DDX60L: variants seen among roughly 807,000 people sequenced by gnomAD.
DDX60L encodes the protein DExD/H-box 60 like.
A neutral mutation model predicts 211.6 loss-of-function variants in DDX60L; 191 were observed. The observed-to-expected ratio is 0.90, with a 90% confidence interval of 0.80 to 1.02. The LOEUF (loss-of-function observed/expected upper bound fraction) is 1.02, where lower values mean the gene tolerates loss of function less well. Among genes scored for constraint, DDX60L ranks in the 50% least tolerant of loss-of-function variants. DDX60L has a pLI of 0.00. For missense variants in DDX60L, 2,007 were observed against 1,984.1 expected (o/e 1.01, Z -0.22); for synonymous variants, 706 against 694.1 (o/e 1.02, Z -0.27).
intron 36 of DDX60L, among the ~76,000 whole-genome samples, chr4:168,365,165 G>C (rs1351213514): frequency 6.6e-6 from 1 of 151,840 alleles, no homozygotes; most frequent in Non-Finnish European, 1.5e-5. Flanking sequence ...TAGAAGGAAA[G>C]AATAAAGCTT....
At chr4:168,426,442 A>C (rs535746147) in intron 14 of DDX60L, among the ~76,000 whole-genome samples, 25 of 152,340 alleles carry the variant, frequency 1.6e-4, no homozygotes, top group Non-Finnish European at 3.2e-4. Flanking sequence ...GGAAATCTAC[A>C]CTTAGAAAAC....
intron 3 of DDX60L, 69 bp from the exon 4 acceptor site, chr4:168,472,005 C>T: frequency 1.0e-5 from 13 of 1,290,608 alleles, no homozygotes; most frequent in Non-Finnish European, 1.4e-5. Context: ...GTTGTTGTTA[C>T]TATTATTGCA....
Position 168,429,100 on chromosome 4 carries a change from C to G in DDX60L, c.1677+1378G>C, listed in dbSNP as rs541294477. 5.3e-5 allele frequency among the ~76,000 whole-genome samples: 8 copies of G among 152,214 alleles called. No homozygotes were observed. In the South Asian group the frequency reaches 1.7e-3, roughly 32 times the overall value. On this transcript the variant is annotated intron_variant, in intron 13 of 37. Transcript: ENST00000682922. ...GAAATGTTAGGCCTATTTTTACCAC[C>G]TCTATGTAAAAAGATTTTCACTGTA...
chr4:168,442,000 C>A (rs980085336), intron 9 of DDX60L, among the ~76,000 whole-genome samples: 1 of 152,078 alleles, frequency 6.6e-6, no homozygotes, highest in Non-Finnish European at 1.5e-5. Flanking sequence ...GGGGGAGGAG[C>A]CAAGATGGCC....
At chr4:168,360,030 T>G (rs917505756) in intron 37 of DDX60L, among the ~76,000 whole-genome samples, 4 of 152,208 alleles carry the variant, frequency 2.6e-5, no homozygotes, top group Non-Finnish European at 5.9e-5. Flanking sequence ...TCACTTCTCC[T>G]TTAAGACCTG....
At chr4:168,457,303 C>A (rs1042281743) in intron 6 of DDX60L, among the ~76,000 whole-genome samples, 1 of 151,618 alleles carries the variant, frequency 6.6e-6, no homozygotes, top group African/African-American at 2.4e-5. Context: ...TACACACACA[C>A]ACACACACAA....
At chr4:168,412,679 T>C (rs1356325493) in intron 22 of DDX60L, among the ~76,000 whole-genome samples, 5 of 152,270 alleles carry the variant, frequency 3.3e-5, no homozygotes, top group East Asian at 1.9e-4. Flanking sequence ...TGAATGAAAA[T>C]TGGCAGTAGC....
At chr4:168,476,378 GAATACT>G (rs1473551123) in intron 1 of DDX60L, among the ~76,000 whole-genome samples, 5 of 152,050 alleles carry the variant, frequency 3.3e-5, no homozygotes, top group African/African-American at 9.7e-5. Flanking sequence ...GAACATCAAT[GAATACT>G]AATACCATAA....
In DDX60L at chr4:168,438,414, C is replaced by T. The variant is rs149402445; in HGVS notation, c.1294+2923G>A. Among the ~76,000 whole-genome samples the T allele has an allele frequency of 2.0e-3, 299 of 152,246 alleles. 1 individual carries two copies. Among genetic ancestry groups the T allele is most frequent in the Non-Finnish European group, 3.5e-3 (241 of 68,012 alleles). ...AAGACTTCTTGGGATTGTGTTTTCC[C>T]CAGGCCACAGTCAACCATATTAGCT... is the stretch of plus-strand genomic sequence containing the variant. On this transcript the variant is annotated intron_variant, in intron 10 of 37. Transcript: ENST00000682922.
chr4:168,450,719 C>T (rs1755689458), intron 8 of DDX60L, among the ~76,000 whole-genome samples: 1 of 152,080 alleles, frequency 6.6e-6, no homozygotes, highest in Admixed American at 6.6e-5. Flanking sequence ...CATTCAAGAC[C>T]AGCCTTGGCA....
chr4:168,475,083 G>A (rs1014940184), intron 1 of DDX60L, among the ~76,000 whole-genome samples: 1 of 152,182 alleles, frequency 6.6e-6, no homozygotes, highest in Non-Finnish European at 1.5e-5. Flanking sequence ...AAGAACATGA[G>A]CTCTGAAACC....
chr4:168,449,637 C>CAAAAAAAAAATTCAAAAAAAAAAAAAA (rs1755407799), intron 8 of DDX60L, among the ~76,000 whole-genome samples: 1 of 44,842 alleles, frequency 2.2e-5, no homozygotes, highest in Non-Finnish European at 3.7e-5. Context: ...AACATTAAAA[C>CAAAAAAAAAATTCAAAAAAAAAAAAAA]AAAAAAAAAA....
At chr4:168,370,763 CT>C (rs1740856294) in intron 36 of DDX60L, among the ~76,000 whole-genome samples, 1 of 151,934 alleles carries the variant, frequency 6.6e-6, no homozygotes, top group South Asian at 2.1e-4. Context: ...ATATTTAAAA[CT>C]TATTTTTATC....
In DDX60L at chr4:168,379,823, G is replaced by T. The variant is rs1396898617; in HGVS notation, c.4124C>A (p.Ser1375Ter). Residue 1375 changes from serine to a stop codon, truncating the protein, a stop_gained, in exon 31 of 38, where the codon TCA becomes TAA. Transcript: ENST00000682922. LOFTEE classifies it high-confidence loss of function. ...DPEDAKAKVL[S>*]VLKHSLLSFK... The stretch of plus-strand genomic sequence containing the variant: ...AGACAGCAATGAATGCTTTAGCACT[G>T]ACAACACCTATAAAAGAAGAGTACT... 6.2e-7 allele frequency: 1 copy of T among 1,602,992 alleles called. No individual in the cohort carries two copies. The highest frequency in any genetic ancestry group is 8.5e-7 in the Non-Finnish European group (1 of 1,174,524).
chr4:168,468,323 A>G (rs1233431266), intron 4 of DDX60L, among the ~76,000 whole-genome samples: 2 of 152,200 alleles, frequency 1.3e-5, no homozygotes, highest in African/African-American at 2.4e-5. Flanking sequence ...CCCAGGAATA[A>G]AAGATTGAAT....
intron 9 of DDX60L, among the ~76,000 whole-genome samples, chr4:168,446,169 A>T (rs1482285328): frequency 6.6e-6 from 1 of 151,970 alleles, no homozygotes; most frequent in Non-Finnish European, 1.5e-5. Flanking sequence ...GCTGATAAGC[A>T]ACTTCAGCAA....
rs200212069 is a variant in DDX60L at position 168,378,437 on chromosome 4, C to T, written c.4402G>A (p.Val1468Met). The T allele has an allele frequency of 4.2e-4, 666 of 1,575,812 alleles. 2 individuals are homozygous for T. The highest frequency in any genetic ancestry group is 3.7e-3 in the African/African-American group (272 of 74,026). ...QFSQDVMEKL[V>M]LVLANLFGRK... ...CCAAACAAATTTGCCAATACTAACA[C>T]GAGCTTTTCCATCACATCTTGGGAA... The change falls in exon 33 of 38, where the codon GTG becomes ATG. Residue 1468 changes from valine to methionine, a missense_variant. Physicochemically the swap from Val to Met is conservative, Grantham distance 21. Transcript: ENST00000682922.
Position 168,386,890 on chromosome 4 carries a change from A to T in DDX60L, c.3916-2078T>A, listed in dbSNP as rs891359928. Among the ~76,000 whole-genome samples the T allele has an allele frequency of 4.6e-5, 7 of 152,234 alleles. 1 individual carries two copies. Among genetic ancestry groups the T allele is most frequent in the Admixed American group, 3.9e-4 (6 of 15,282 alleles). ...GATAAATGTTCATGAGCATAAGAAT[A>T]TACATATTTTAGATAGAGAGCAAAA... is the stretch of plus-strand genomic sequence containing the variant. On this transcript the variant is annotated intron_variant, in intron 29 of 37. Transcript: ENST00000682922.
intron 10 of DDX60L, among the ~76,000 whole-genome samples, chr4:168,434,821 T>C (rs1302303744): frequency 6.6e-6 from 1 of 152,172 alleles, no homozygotes; most frequent in Non-Finnish European, 1.5e-5. Flanking sequence ...TCACCAGTCA[T>C]AGCTCCTTAA....
Sources: gnomAD v4.1 joint callset for allele counts (sites outside exome capture counted in the v4.1 genomes callset) on GRCh38, gnomAD v4.1.1 for gene constraint, MANE v1.5 for transcripts, NCBI Gene and HGNC (gene_info 2026-07-23, HGNC 2026-07-21) for gene names.